The following CSMD1 variants were observed in gnomAD, a reference collection of about 807,000 sequenced individuals.
CSMD1 encodes CUB and sushi domain-containing protein 1.
A neutral mutation model predicts 417.5 loss-of-function variants in CSMD1; 213 were observed. That is an observed-to-expected ratio of 0.51 (90% CI 0.46 to 0.57). The LOEUF (loss-of-function observed/expected upper bound fraction) is 0.57. CSMD1 is among the 20% of genes least tolerant of loss of function. The probability of loss-of-function intolerance (pLI) is 0.00; values close to 1 mark genes in which losing one functional copy is unlikely to be tolerated. For synonymous variants in CSMD1, 2,862 were observed against 1,736.8 expected (o/e 1.65, Z -16.11); for missense variants, 6,923 against 4,529.7 (o/e 1.53, Z -15.17).
intron 3 of CSMD1, among the ~76,000 whole-genome samples, chr8:4,343,030 C>A (rs531589739): frequency 1.3e-5 from 2 of 152,210 alleles, no homozygotes; most frequent in African/African-American, 2.4e-5. Flanking sequence ...CCTCCTCCAA[C>A]CCTCATATTC....
chr8:4,932,114 T>G (rs1159444112), intron 1 of CSMD1, among the ~76,000 whole-genome samples: 1 of 152,240 alleles, frequency 6.6e-6, no homozygotes, highest in African/African-American at 2.4e-5. Flanking sequence ...TTGGAATCTT[T>G]CAATGTTTAA....
chr8:4,653,780 T>C lies in CSMD1; in HGVS notation c.86-16222A>G, dbSNP rs572218611. Among the ~76,000 whole-genome samples, 4 of 152,250 alleles carry C rather than the reference T, an allele frequency of 2.6e-5. No homozygotes were observed. In the East Asian group the frequency reaches 7.7e-4, roughly 29 times the overall value. The stretch of plus-strand genomic sequence containing the variant: ...TGAAACTCCAAAGTGTAGTAGATAT[T>C]ATTTTGAATTTGAAGGGAGGCATTT... On this transcript the variant is annotated intron_variant, in intron 1 of 69. Transcript: ENST00000635120.
chr8:3,077,288 C>T (rs987369220), intron 49 of CSMD1, among the ~76,000 whole-genome samples: 7 of 152,164 alleles, frequency 4.6e-5, no homozygotes, highest in African/African-American at 1.7e-4. Context: ...GGACAAAAGG[C>T]CACAGTGGGT....
chr8:3,613,631 T>C (rs1027764264), intron 8 of CSMD1, among the ~76,000 whole-genome samples: 4 of 151,328 alleles, frequency 2.6e-5, no homozygotes, highest in African/African-American at 7.3e-5. Flanking sequence ...TCACAAAATA[T>C]ACAAACAAAA....
intron 47 of CSMD1, among the ~76,000 whole-genome samples, chr8:3,094,905 C>A (rs565438013): frequency 6.6e-6 from 1 of 150,812 alleles, no homozygotes; most frequent in Admixed American, 6.6e-5. Flanking sequence ...TCACATAAAA[C>A]TCTGACCTTT....
rs549312993 is a variant in CSMD1, at chr8:4,817,305, G to A, written c.85+177027C>T. On this transcript the variant is annotated intron_variant, in intron 1 of 69. Transcript: ENST00000635120. Reference sequence around the variant, plus strand: ...CCTGCCCAATCAAGCTATACATTAAGGTGGCTATTATTTTCTTCAAGCTCA... The same window carrying A: ...CCTGCCCAATCAAGCTATACATTAAAGTGGCTATTATTTTCTTCAAGCTCA... 1.2e-4 allele frequency among the ~76,000 whole-genome samples: 18 copies of A among 152,242 alleles called. No homozygotes were observed. The South Asian group carries it at 3.3e-3, about 28-fold the overall frequency.
At chr8:4,813,965 T>C (rs554448953) in intron 1 of CSMD1, among the ~76,000 whole-genome samples, 100 of 152,364 alleles carry the variant, frequency 6.6e-4, no homozygotes, top group African/African-American at 2.2e-3. Flanking sequence ...TAGTAATCAG[T>C]GATTCATAAT....
chr8:4,701,086 G>A (rs763943170), intron 1 of CSMD1, among the ~76,000 whole-genome samples: 3 of 152,074 alleles, frequency 2.0e-5, no homozygotes, highest in South Asian at 4.1e-4. Context: ...TTGAAATTAA[G>A]GGTAGAGTTA....
chr8:4,145,931 T>G (rs944139410), intron 3 of CSMD1, among the ~76,000 whole-genome samples: 1 of 150,964 alleles, frequency 6.6e-6, no homozygotes, highest in Non-Finnish European at 1.5e-5. Flanking sequence ...CCCCATTGTT[T>G]GTAAGACTGA....
chr8:3,189,972 G>A lies in CSMD1; in HGVS notation c.5338C>T (p.His1780Tyr), dbSNP rs757635585. ...AAGGCGTTGGGCACGGACTGGCAGT[G>A]GAGCGCCGTGGAACCCTGAAGCAGG... ...GYLLQGSTAL[H>Y]CQSVPNALAQ... is the part of the protein sequence containing the mutation. The change falls in exon 34 of 70, where the codon CAC becomes TAC. Residue 1780 changes from histidine (H) to tyrosine (Y), a missense_variant. Coordinates refer to ENST00000635120, the MANE Select transcript of CSMD1 (RefSeq NM_033225.6). The A allele has an allele frequency of 6.3e-7, 1 of 1,598,318 alleles. No homozygotes were observed. Among genetic ancestry groups the A allele is most frequent in the South Asian group, 1.1e-5 (1 of 87,666 alleles).
chr8:4,359,942 C>A (rs10101532), intron 3 of CSMD1, among the ~76,000 whole-genome samples: 57,825 of 152,054 alleles, frequency 0.38, 12,871 homozygotes, highest in African/African-American at 0.63. Flanking sequence ...AGAATGCTTC[C>A]CTACTGGAGA....
At chr8:4,574,055 G>T (rs1799016780) in intron 2 of CSMD1, among the ~76,000 whole-genome samples, 1 of 152,134 alleles carries the variant, frequency 6.6e-6, no homozygotes, top group Admixed American at 6.5e-5. Flanking sequence ...TTAGCTTGCT[G>T]GACTCCATGG....
intron 2 of CSMD1, among the ~76,000 whole-genome samples, chr8:4,512,572 G>C (rs1240240052): frequency 6.6e-6 from 1 of 151,936 alleles, no homozygotes; most frequent in African/African-American, 2.4e-5. Flanking sequence ...GAACTAATAA[G>C]CAATTATAGC....
chr8:4,030,164 G>T lies in CSMD1; in HGVS notation c.610+1741C>A, dbSNP rs1797267478. On this transcript the variant is annotated intron_variant, in intron 4 of 69. Coordinates refer to ENST00000635120, the MANE Select transcript of CSMD1 (RefSeq NM_033225.6). ...AGGTGTCAGTGGATCTACCATTCTG[G>T]AGTCTGAAGGATGGTAGCCTTCTTC... 2.0e-5 allele frequency among the ~76,000 whole-genome samples: 3 copies of T among 150,962 alleles called. No individual in the cohort carries two copies. In the South Asian group the frequency reaches 6.3e-4, roughly 32 times the overall value.
In CSMD1 at chr8:4,788,489, G is replaced by T. The variant is rs927515225; in HGVS notation, c.86-150931C>A. ...ATTTACTGCTCAGATATTTGGGGTA[G>T]ACAACCATTTAGTATGGAGCAAACT... is the stretch of plus-strand genomic sequence containing the variant. On this transcript the variant is annotated intron_variant, in intron 1 of 69. Coordinates refer to ENST00000635120, the MANE Select transcript of CSMD1 (RefSeq NM_033225.6). 1.6e-5 allele frequency: 21 copies of T among 1,341,268 alleles called. No individual in the cohort carries two copies. In the African/African-American group the frequency reaches 2.9e-4, roughly 19 times the overall value. 83.1% of individuals were successfully genotyped at this position (1,341,268 alleles called of 1,614,324 possible).
intron 3 of CSMD1, among the ~76,000 whole-genome samples, chr8:4,123,362 C>A (rs1452295902): frequency 2.0e-5 from 3 of 152,178 alleles, no homozygotes; most frequent in African/African-American, 7.2e-5. Context: ...CTCACCCATC[C>A]CATAACGTCC....
chr8:3,704,553 C>A (rs543267522), intron 7 of CSMD1, among the ~76,000 whole-genome samples: 1 of 152,318 alleles, frequency 6.6e-6, no homozygotes, highest in South Asian at 2.1e-4. Flanking sequence ...AGGAGTTTCT[C>A]ATAAAAGCTT....
chr8:4,394,103 C>A (rs915028565), intron 3 of CSMD1, among the ~76,000 whole-genome samples: 1 of 152,114 alleles, frequency 6.6e-6, no homozygotes, highest in African/African-American at 2.4e-5. Flanking sequence ...AGAGCACTAA[C>A]GATTAATTTT....
intron 5 of CSMD1, among the ~76,000 whole-genome samples, chr8:3,953,604 A>ACTTT (rs1440315455): frequency 1.3e-5 from 2 of 152,062 alleles, no homozygotes; most frequent in African/African-American, 4.8e-5. Flanking sequence ...CACTGCGCCC[A>ACTTT]AGCATACGCA....
Sources: allele counts gnomAD v4.1 joint callset (sites outside exome capture counted in the v4.1 genomes callset), GRCh38; gene constraint gnomAD v4.1.1; transcripts MANE v1.5; gene names NCBI Gene and HGNC (gene_info 2026-07-23, HGNC 2026-07-21).